P2RY8: variants seen among roughly 807,000 people sequenced by gnomAD.
P2RY8 encodes S-geranylgeranyl-glutathione receptor P2RY8.
A neutral mutation model predicts 10.0 loss-of-function variants in P2RY8; 6 were observed. The observed-to-expected ratio is 0.60, with a 90% CI of 0.33 to 1.19. P2RY8 has a LOEUF of 1.19. Among genes scored for constraint, P2RY8 ranks in the 50% most tolerant of loss-of-function variants. P2RY8 has a pLI of 0.04. For missense variants in P2RY8, 456 were observed against 542.0 expected (o/e 0.84, Z 1.58); for synonymous variants, 276 against 252.5 (o/e 1.09, Z -0.88).
At chrX:1,478,273 G>GTGTGTGTGTGTGTGCA (rs539376483) in intron 1 of P2RY8, among the ~76,000 whole-genome samples, 4,272 of 133,440 alleles carry the variant, frequency 0.032, 93 homozygotes, top group African/African-American at 0.06. Flanking sequence ...GTGTGTGTGT[G>GTGTGTGTGTGTGTGCA]CCCAGCAGGG....
chrX:1,492,264 C>A (rs1443903427), intron 1 of P2RY8, among the ~76,000 whole-genome samples: 1 of 152,138 alleles, frequency 6.6e-6, no homozygotes, highest in African/African-American at 2.4e-5. Flanking sequence ...CCAAGCCTGG[C>A]CAGTTAGGGG....
rs1275359223 is a variant in P2RY8 at position 1,464,024 on chromosome X, C to T, written c.*1455G>A. 8.6e-6 allele frequency: 2 copies of T among 233,102 alleles called. No individual in the cohort carries two copies. The highest frequency in any genetic ancestry group is 6.0e-5 in the East Asian group (1 of 16,602). 14.4% of individuals were successfully genotyped at this position (233,102 alleles called of 1,614,324 possible). On this transcript the variant is annotated 3_prime_UTR_variant, in exon 2 of 2. Transcript: ENST00000381297. ...CTCTGTTTTCCTGCCATAGTGATGA[C>T]GGCAGGAGAGAGGCACCAATAGAGG...
intron 1 of P2RY8, among the ~76,000 whole-genome samples, chrX:1,518,412 C>T (rs1425751340): frequency 7.9e-6 from 1 of 127,178 alleles, no homozygotes; most frequent in Non-Finnish European, 1.6e-5. Flanking sequence ...GGTGACAGAG[C>T]GAGACTCCGT....
In P2RY8 at chrX:1,492,558, G is replaced by A. The variant is rs150409568; in HGVS notation, c.-24-25976C>T. 2.0e-3 allele frequency among the ~76,000 whole-genome samples: 300 copies of A among 152,230 alleles called. 2 individuals are homozygous for A. Among genetic ancestry groups the A allele is most frequent in the African/African-American group, 6.9e-3 (285 of 41,546 alleles). ...ACGTGGGAAGAGAGAAAGAGAAAGA[G>A]GAGAAACTGACAACCATGTAAGCTC... On this transcript the variant is annotated intron_variant, in intron 1 of 1. Coordinates refer to ENST00000381297, the MANE Select transcript of P2RY8 (RefSeq NM_178129.5).
At chrX:1,519,907 T>C (rs1266972949) in intron 1 of P2RY8, among the ~76,000 whole-genome samples, 2 of 149,758 alleles carry the variant, frequency 1.3e-5, no homozygotes, top group Non-Finnish European at 3.0e-5. Flanking sequence ...TCTCCCTGGT[T>C]CCCAATAGTC....
At chrX:1,474,698 G>A (rs766858530) in intron 1 of P2RY8, among the ~76,000 whole-genome samples, 94 of 145,894 alleles carry the variant, frequency 6.4e-4, no homozygotes, top group African/African-American at 2.4e-3. Flanking sequence ...GTGGGAGGAT[G>A]GGTGAATGGA....
intron 1 of P2RY8, among the ~76,000 whole-genome samples, chrX:1,486,070 T>G (rs2091983474): frequency 6.6e-6 from 1 of 151,936 alleles, no homozygotes; most frequent in Admixed American, 6.6e-5. Flanking sequence ...AATACAAAAT[T>G]ATCTGGGAGT....
intron 1 of P2RY8, among the ~76,000 whole-genome samples, chrX:1,470,883 C>A: frequency 6.7e-6 from 1 of 148,414 alleles, no homozygotes; most frequent in Non-Finnish European, 1.5e-5. Context: ...GTTGCCCAGG[C>A]TGGAGTGTAG....
intron 1 of P2RY8, among the ~76,000 whole-genome samples, chrX:1,524,553 GCATGCATCCATCCATCCATC>G (rs2092419804): frequency 7.1e-5 from 1 of 14,096 alleles, no homozygotes; most frequent in African/African-American, 3.0e-4. Flanking sequence ...ATCCATCCAT[GCATGCATCCATCCATCCATC>G]CATCCATCCA....
chrX:1,504,023 G>C (rs2092204976), intron 1 of P2RY8, among the ~76,000 whole-genome samples: 1 of 151,508 alleles, frequency 6.6e-6, no homozygotes, highest in Non-Finnish European at 1.5e-5. Context: ...TGTCTTTAAA[G>C]ATTTGGGAAT....
At chrX:1,483,858 AC>A (rs1171536063) in intron 1 of P2RY8, among the ~76,000 whole-genome samples, 1 of 150,538 alleles carries the variant, frequency 6.6e-6, no homozygotes, top group Non-Finnish European at 1.5e-5. Context: ...CCTCCTTTAA[AC>A]CTGAAGCTGG....
At chrX:1,493,587 C>T (rs1358683022) in intron 1 of P2RY8, among the ~76,000 whole-genome samples, 5 of 152,136 alleles carry the variant, frequency 3.3e-5, no homozygotes, top group African/African-American at 1.2e-4. Flanking sequence ...ACAACGTCTC[C>T]TCCCCACAAA....
intron 1 of P2RY8, among the ~76,000 whole-genome samples, chrX:1,531,594 T>C (rs548237263): frequency 8.3e-4 from 127 of 152,266 alleles, no homozygotes; most frequent in Non-Finnish European, 1.4e-3. Flanking sequence ...ACCTGCCACC[T>C]GCTTCTGTCT....
At chrX:1,514,852 TCC>T (rs1569538374) in intron 1 of P2RY8, among the ~76,000 whole-genome samples, 3 of 25,718 alleles carry the variant, frequency 1.2e-4, no homozygotes, top group Admixed American at 3.9e-4. Flanking sequence ...TCCCTTTCCC[TCC>T]CCCTCCCCCT....
chrX:1,529,724 C>T (rs2092460296), intron 1 of P2RY8, among the ~76,000 whole-genome samples: 2 of 152,058 alleles, frequency 1.3e-5, no homozygotes, highest in Non-Finnish European at 2.9e-5. Flanking sequence ...TCATATCTAG[C>T]TCTCTGGCAC....
At chrX:1,481,500 G>C (rs1221195470) in intron 1 of P2RY8, among the ~76,000 whole-genome samples, 1 of 152,076 alleles carries the variant, frequency 6.6e-6, no homozygotes. Context: ...GGGTTTAAGG[G>C]ATCCCAGCTT....
chrX:1,468,044 G>A (rs1207899575), intron 1 of P2RY8, among the ~76,000 whole-genome samples: 10 of 151,896 alleles, frequency 6.6e-5, no homozygotes, highest in Admixed American at 5.9e-4. Flanking sequence ...TCAAACTCCT[G>A]GCCTCAAGCA....
intron 1 of P2RY8, among the ~76,000 whole-genome samples, chrX:1,506,413 G>A (rs2092233772): frequency 6.6e-6 from 1 of 152,064 alleles, no homozygotes; most frequent in Non-Finnish European, 1.5e-5. Flanking sequence ...AACTGGTGTG[G>A]CCCACCAGGC....
At chrX:1,505,635 T>C (rs146188307) in intron 1 of P2RY8, among the ~76,000 whole-genome samples, 2,300 of 151,896 alleles carry the variant, frequency 0.015, 53 homozygotes, top group East Asian at 0.059. Context: ...ACTCAAAATA[T>C]AAAACTTAGC....
Sources: allele counts gnomAD v4.1 joint callset (sites outside exome capture counted in the v4.1 genomes callset), GRCh38; gene constraint gnomAD v4.1.1; transcripts MANE v1.5; gene names NCBI Gene and HGNC (gene_info 2026-07-23, HGNC 2026-07-21).